The following ATG5 variants were observed in gnomAD, a reference collection of about 807,000 sequenced individuals.
ATG5 encodes autophagy protein 5.
In ATG5, 14 loss-of-function variants were observed where a neutral mutation model predicts 36.5. The ratio of observed to expected loss-of-function variants is 0.38; its 90% CI spans 0.25 to 0.60. ATG5 has a LOEUF of 0.60. Ranked by LOEUF, ATG5 falls within the 20% of genes least tolerant of loss-of-function variation. ATG5 has a pLI of 0.60. For synonymous variants in ATG5, 95 were observed against 101.5 expected (o/e 0.94, Z 0.38); for missense variants, 195 against 326.7 (o/e 0.60, Z 3.11).
intron 4 of ATG5, among the ~76,000 whole-genome samples, chr6:106,281,252 C>T (rs1424461598): frequency 6.6e-6 from 1 of 152,082 alleles, no homozygotes; most frequent in African/African-American, 2.4e-5. Context: ...ATCAAGAGTA[C>T]AATTAAATGA....
At chr6:106,301,074 T>C (rs1301707670) in intron 3 of ATG5, among the ~76,000 whole-genome samples, 2 of 151,930 alleles carry the variant, frequency 1.3e-5, no homozygotes, top group Non-Finnish European at 2.9e-5. Context: ...AACTAACAAA[T>C]ATAAAATGTG....
intron 1 of ATG5, among the ~76,000 whole-genome samples, chr6:106,316,928 T>C (rs1281833829): frequency 2.0e-5 from 3 of 152,166 alleles, no homozygotes; most frequent in South Asian, 4.1e-4. Context: ...CTACCTAGTA[T>C]GCTCCTCTCT....
intron 7 of ATG5, among the ~76,000 whole-genome samples, chr6:106,193,966 C>T (rs1421440212): frequency 6.6e-6 from 1 of 152,130 alleles, no homozygotes; most frequent in Non-Finnish European, 1.5e-5. Context: ...ATTTTGGGAA[C>T]AGTCAGGTTA....
intron 6 of ATG5, among the ~76,000 whole-genome samples, chr6:106,239,994 G>A (rs2787527): frequency 1.3e-5 from 2 of 151,782 alleles, no homozygotes; most frequent in African/African-American, 4.8e-5. Context: ...TGTGGGAAAG[G>A]ACCTTCTTTT....
chr6:106,260,872 T>C (rs1283970556), intron 5 of ATG5, among the ~76,000 whole-genome samples: 1 of 152,214 alleles, frequency 6.6e-6, no homozygotes, highest in African/African-American at 2.4e-5. Flanking sequence ...AACTGGTCTA[T>C]ACAGGCCAAG....
intron 4 of ATG5, among the ~76,000 whole-genome samples, chr6:106,286,314 C>CAA (rs370365812): frequency 0.075 from 11,372 of 152,084 alleles, 718 homozygotes; most frequent in Admixed American, 0.22. Flanking sequence ...GCACATGGGG[C>CAA]TCACCTTGTT....
At chr6:106,220,812 A>C (rs1425492629) in intron 6 of ATG5, among the ~76,000 whole-genome samples, 2 of 152,208 alleles carry the variant, frequency 1.3e-5, no homozygotes, top group Non-Finnish European at 2.9e-5. Context: ...TAGGTAAGTG[A>C]TTAAGCAGAT....
intron 6 of ATG5, 128 bp from the exon 7 acceptor site, chr6:106,202,217 C>T: frequency 1.6e-6 from 1 of 624,332 alleles, no homozygotes; most frequent in Non-Finnish European, 2.9e-6. Flanking sequence ...AATTACACAA[C>T]ATCACAGATG....
chr6:106,290,517 A>G (rs764768207), intron 4 of ATG5, among the ~76,000 whole-genome samples: 4 of 151,632 alleles, frequency 2.6e-5, no homozygotes, highest in Non-Finnish European at 5.9e-5. Context: ...GATGGGGTCT[A>G]CGTTGCCCAG....
intron 6 of ATG5, chr6:106,202,309 G>A (rs1165398401): frequency 4.7e-6 from 2 of 423,974 alleles, no homozygotes; most frequent in Admixed American, 3.9e-5. Context: ...AAAGTTGGGT[G>A]GGACATTCTA....
intron 3 of ATG5, among the ~76,000 whole-genome samples, chr6:106,306,667 T>C (rs1295424496): frequency 6.6e-6 from 1 of 152,202 alleles, no homozygotes; most frequent in Non-Finnish European, 1.5e-5. Flanking sequence ...CTGTAATACA[T>C]ATAATGCAAT....
chr6:106,202,924 G>A (rs2114360705), intron 6 of ATG5, among the ~76,000 whole-genome samples: 1 of 152,252 alleles, frequency 6.6e-6, no homozygotes, highest in East Asian at 1.9e-4. Context: ...CGGCCTCCCA[G>A]AGTGTTAGGG....
chr6:106,241,386 C>T (rs1778117259), intron 6 of ATG5, among the ~76,000 whole-genome samples: 1 of 152,050 alleles, frequency 6.6e-6, no homozygotes, highest in African/African-American at 2.4e-5. Flanking sequence ...CCTTTGTGCA[C>T]TGTTGGTGGG....
intron 7 of ATG5, among the ~76,000 whole-genome samples, chr6:106,194,785 C>T (rs1776112164): frequency 6.6e-6 from 1 of 152,094 alleles, no homozygotes; most frequent in Non-Finnish European, 1.5e-5. Context: ...GATCCACCCG[C>T]CTAGCTTACC....
intron 5 of ATG5, among the ~76,000 whole-genome samples, chr6:106,273,970 T>C (rs1779549549): frequency 6.6e-6 from 1 of 152,226 alleles, no homozygotes; most frequent in African/African-American, 2.4e-5. Flanking sequence ...CAAATAATTA[T>C]TGTCTCTAAA....
intron 6 of ATG5, among the ~76,000 whole-genome samples, chr6:106,216,259 G>A (rs1777036063): frequency 6.6e-6 from 1 of 152,104 alleles, no homozygotes; most frequent in Admixed American, 6.6e-5. Context: ...ATCTACCCAA[G>A]AGAAATGAAA....
chr6:106,231,591 T>A (rs1006767405), intron 6 of ATG5, among the ~76,000 whole-genome samples: 1 of 152,084 alleles, frequency 6.6e-6, no homozygotes, highest in Non-Finnish European at 1.5e-5. Flanking sequence ...AGGAAGAAAA[T>A]CCTACCGCCT....
intron 4 of ATG5, among the ~76,000 whole-genome samples, chr6:106,290,085 G>C (rs1239978103): frequency 6.6e-6 from 1 of 151,640 alleles, no homozygotes; most frequent in Non-Finnish European, 1.5e-5. Flanking sequence ...TGCAATCACT[G>C]TGAGTGGTAC....
chr6:106,220,528 G>T (rs1777206066), intron 6 of ATG5, among the ~76,000 whole-genome samples: 1 of 152,068 alleles, frequency 6.6e-6, no homozygotes, highest in African/African-American at 2.4e-5. Context: ...ATTAGTCTTT[G>T]TATTTTTAAA....
Sources: gnomAD v4.1 joint callset for allele counts (sites outside exome capture counted in the v4.1 genomes callset) on GRCh38, gnomAD v4.1.1 for gene constraint, MANE v1.5 for transcripts, NCBI Gene and HGNC (gene_info 2026-07-23, HGNC 2026-07-21) for gene names.